The following SLC24A2 variants were observed in gnomAD, a reference collection of about 807,000 sequenced individuals.
SLC24A2 encodes sodium/potassium/calcium exchanger 2.
Under a neutral mutation model 62.0 loss-of-function variants are expected in SLC24A2, and 36 were observed. The ratio of observed to expected loss-of-function variants is 0.58; its 90% CI spans 0.44 to 0.77. The LOEUF is 0.77. Among genes scored for constraint, SLC24A2 ranks in the 30% least tolerant of loss-of-function variants. SLC24A2 has a pLI of 0.00. For synonymous variants in SLC24A2, 358 were observed against 294.0 expected (o/e 1.22, Z -2.23); for missense variants, 846 against 817.9 (o/e 1.03, Z -0.42).
chr9:20,133,614 T>C, the SLC24A2 span, among the ~76,000 whole-genome samples: 242 of 152,298 alleles, frequency 1.6e-3, no homozygotes, highest in African/African-American at 4.5e-3. Context: ...ATTAAGATAA[T>C]TATTCTAATC....
chr9:20,048,324 G>C, the SLC24A2 span, among the ~76,000 whole-genome samples: 2 of 152,250 alleles, frequency 1.3e-5, no homozygotes, highest in South Asian at 2.1e-4. Flanking sequence ...TGCTTGATAA[G>C]TCAAATGAGA....
intron 7 of SLC24A2, among the ~76,000 whole-genome samples, chr9:19,570,436 G>C (rs767385196): frequency 1.3e-5 from 2 of 152,124 alleles, no homozygotes; most frequent in African/African-American, 2.4e-5. Flanking sequence ...TCCTTTGGCA[G>C]GCTCTCAGAG....
At chr9:20,170,430 G>T in the SLC24A2 span, among the ~76,000 whole-genome samples, 2 of 152,000 alleles carry the variant, frequency 1.3e-5, no homozygotes, top group South Asian at 2.1e-4. Context: ...ATGGGCTGGG[G>T]TCAGACGCAC....
chr9:19,643,007 T>C (rs1189672704), intron 2 of SLC24A2, among the ~76,000 whole-genome samples: 25 of 119,668 alleles, frequency 2.1e-4, no homozygotes, highest in Admixed American at 1.8e-4. Context: ...TTTTTTTTTT[T>C]TAACATATCT....
chr9:19,793,220 G>GT (rs1823340875), upstream of SLC24A2, among the ~76,000 whole-genome samples: 1 of 152,178 alleles, frequency 6.6e-6, no homozygotes, highest in Admixed American at 6.5e-5. Context: ...AACAATGAAG[G>GT]TTTTTGTTTC....
At chr9:20,266,203 C>T in the SLC24A2 span, among the ~76,000 whole-genome samples, 1 of 152,170 alleles carries the variant, frequency 6.6e-6, no homozygotes, top group Non-Finnish European at 1.5e-5. Context: ...ACACTCCCTC[C>T]CCTTTGAAAA....
At chr9:20,003,698 T>C in the SLC24A2 span, among the ~76,000 whole-genome samples, 1 of 152,162 alleles carries the variant, frequency 6.6e-6, no homozygotes, top group South Asian at 2.1e-4. Flanking sequence ...TCACAACTAC[T>C]AGCTCTGCTG....
At chr9:19,828,898 T>A in the SLC24A2 span, among the ~76,000 whole-genome samples, 1 of 152,104 alleles carries the variant, frequency 6.6e-6, no homozygotes, top group African/African-American at 2.4e-5. Context: ...CCCAACATCC[T>A]ATTTGCAATC....
At chr9:19,771,737 C>A (rs922769833) in intron 2 of SLC24A2, among the ~76,000 whole-genome samples, 7 of 152,158 alleles carry the variant, frequency 4.6e-5, no homozygotes, top group African/African-American at 1.7e-4. Context: ...TCTTTGCCCT[C>A]GGAATGTGCA....
chr9:19,629,051 A>G (rs1464254492), intron 2 of SLC24A2, among the ~76,000 whole-genome samples: 1 of 151,932 alleles, frequency 6.6e-6, no homozygotes, highest in Non-Finnish European at 1.5e-5. Context: ...TGTTATATAT[A>G]TAATATCTCA....
At chr9:20,055,904 T>G in the SLC24A2 span, among the ~76,000 whole-genome samples, 8 of 151,718 alleles carry the variant, frequency 5.3e-5, no homozygotes, top group Admixed American at 1.3e-4. Context: ...TATAAAAAAA[T>G]TATAAAAAAA....
At chr9:19,787,265 G>GCACT (rs1313975098) in intron 1 of SLC24A2, among the ~76,000 whole-genome samples, 3 of 152,180 alleles carry the variant, frequency 2.0e-5, no homozygotes, top group Non-Finnish European at 4.4e-5. Flanking sequence ...TTATGAAGAT[G>GCACT]TATGTATAAA....
At chr9:19,548,892 T>A (rs1006440926) in intron 8 of SLC24A2, among the ~76,000 whole-genome samples, 22 of 152,192 alleles carry the variant, frequency 1.4e-4, no homozygotes, top group African/African-American at 5.3e-4. Context: ...CGAGGAACAT[T>A]TAGTGCAGAA....
chr9:19,599,724 C>G lies in SLC24A2; in HGVS notation c.1079-2445G>C, dbSNP rs1475111014. 6.6e-6 allele frequency among the ~76,000 whole-genome samples: 1 copy of G among 152,146 alleles called. No homozygotes were observed. Among genetic ancestry groups the G allele is most frequent in the Non-Finnish European group, 1.5e-5 (1 of 68,018 alleles). ...ACATGCGACTAGGACAAAAAGCATG[C>G]ATGCATAAACCAGAGCTCATCATGC... On this transcript the variant is annotated intron_variant, in intron 4 of 10. Transcript: ENST00000341998. The surrounding 1 kb of genome is among the most constrained non-coding windows in gnomAD (Gnocchi z 4.5).
chr9:20,135,143 G>A, the SLC24A2 span, among the ~76,000 whole-genome samples: 3 of 152,098 alleles, frequency 2.0e-5, no homozygotes, highest in Non-Finnish European at 4.4e-5. Flanking sequence ...CAGCCTGGTG[G>A]AGAAGACTGA....
chr9:19,633,566 A>C (rs1818230719), intron 2 of SLC24A2, among the ~76,000 whole-genome samples: 1 of 152,132 alleles, frequency 6.6e-6, no homozygotes, highest in Non-Finnish European at 1.5e-5. Flanking sequence ...ACAGTGTCTC[A>C]CTATGTTGCC....
intron 8 of SLC24A2, among the ~76,000 whole-genome samples, chr9:19,531,666 G>A (rs1432290524): frequency 6.6e-6 from 1 of 151,972 alleles, no homozygotes; most frequent in African/African-American, 2.4e-5. Flanking sequence ...CTCTGTGTAA[G>A]GTTCTGGGAC....
the SLC24A2 span, among the ~76,000 whole-genome samples, chr9:20,284,358 G>C: frequency 1.3e-5 from 2 of 151,898 alleles, no homozygotes; most frequent in Admixed American, 1.3e-4. Flanking sequence ...GCTCACAGCA[G>C]GCTCGAACTC....
At chr9:19,613,906 C>T (rs1452573383) in intron 4 of SLC24A2, among the ~76,000 whole-genome samples, 1 of 152,146 alleles carries the variant, frequency 6.6e-6, no homozygotes, top group African/African-American at 2.4e-5. Flanking sequence ...AGAGCCATAG[C>T]CTCTTTACAT....
Sources: allele counts gnomAD v4.1 joint callset (sites outside exome capture counted in the v4.1 genomes callset), GRCh38; gene constraint gnomAD v4.1.1; non-coding constraint Gnocchi (gnomAD v3.1); transcripts MANE v1.5; gene names NCBI Gene and HGNC (gene_info 2026-07-23, HGNC 2026-07-21).